Variants in NALF1 observed in about 807,000 individuals in gnomAD.
The protein encoded by NALF1 is family with sequence similarity 155 member A.
In NALF1, 3 loss-of-function variants were observed where a neutral mutation model predicts 48.4. The ratio of observed to expected loss-of-function variants is 0.06; its 90% confidence interval spans 0.03 to 0.16. NALF1 has a LOEUF of 0.16. Among genes scored for constraint, NALF1 ranks in the 10% least tolerant of loss-of-function variants. The probability of loss-of-function intolerance (pLI) is 1.00; values close to 1 mark genes in which losing one functional copy is unlikely to be tolerated. For synonymous variants in NALF1, 262 were observed against 245.7 expected, an observed-to-expected ratio of 1.07 and a Z score of -0.62; for missense variants, 526 against 571.5, an observed-to-expected ratio of 0.92 and a Z score of 0.81.
At chr13:107,627,690 G>A (rs918387310) in intron 1 of NALF1, among the ~76,000 whole-genome samples, 2 of 152,040 alleles carry the variant, frequency 1.3e-5, no homozygotes, top group Non-Finnish European at 2.9e-5. Context: ...CAAATGGAGA[G>A]AGAACTGCAG....
At position 107,482,186 on chromosome 13, in the gene NALF1, G is replaced by A. The variant is rs2491583; in HGVS notation, c.916-271431C>T. 9.8e-3 allele frequency among the ~76,000 whole-genome samples: 1,485 copies of A among 152,182 alleles called. 29 individuals are homozygous for A. Among genetic ancestry groups the A allele is most frequent in the African/African-American group, 0.033 (1,381 of 41,508 alleles). On this transcript the variant is annotated intron_variant, in intron 1 of 2. Coordinates refer to ENST00000375915, the MANE Select transcript of NALF1 (RefSeq NM_001080396.3). ...TTAAGAGAAAAGACTTATCTCTCCCGAGAAGAAGGAGCTCTGCCTCCAGAT... is the reference window on the plus strand; with the variant it reads ...TTAAGAGAAAAGACTTATCTCTCCCAAGAAGAAGGAGCTCTGCCTCCAGAT...
At chr13:107,178,623 T>C (rs1409134095) in intron 2 of NALF1, among the ~76,000 whole-genome samples, 1 of 152,120 alleles carries the variant, frequency 6.6e-6, no homozygotes, top group Non-Finnish European at 1.5e-5. Context: ...ACAGTCACTA[T>C]GGAGAAAAGT....
chr13:107,242,084 T>G (rs1880482577), intron 1 of NALF1, among the ~76,000 whole-genome samples: 1 of 152,242 alleles, frequency 6.6e-6, no homozygotes, highest in African/African-American at 2.4e-5. Flanking sequence ...ATTTATTCAC[T>G]GCCCTCTACT....
intron 1 of NALF1, among the ~76,000 whole-genome samples, chr13:107,716,001 G>C (rs1006987891): frequency 1.3e-5 from 2 of 152,096 alleles, no homozygotes; most frequent in Admixed American, 6.5e-5. Flanking sequence ...TGCTAAGTTC[G>C]ATGTATGGAA....
At chr13:107,640,014 A>G (rs1880107076) in intron 1 of NALF1, among the ~76,000 whole-genome samples, 1 of 152,202 alleles carries the variant, frequency 6.6e-6, no homozygotes, top group Admixed American at 6.5e-5. Flanking sequence ...CAAATGCTTG[A>G]TAAGATAAGG....
chr13:107,799,295 G>C (rs1464379120), intron 1 of NALF1, among the ~76,000 whole-genome samples: 1 of 152,148 alleles, frequency 6.6e-6, no homozygotes, highest in Admixed American at 6.5e-5. Flanking sequence ...ATTGTGCCCT[G>C]TTTACAGCTC....
chr13:107,539,637 A>G (rs1325452644), intron 1 of NALF1, among the ~76,000 whole-genome samples: 2 of 152,190 alleles, frequency 1.3e-5, no homozygotes, highest in South Asian at 2.1e-4. Flanking sequence ...CAATACATTA[A>G]TATTCTGAAA....
At chr13:107,811,458 C>T (rs769718506) in intron 1 of NALF1, among the ~76,000 whole-genome samples, 9 of 152,110 alleles carry the variant, frequency 5.9e-5, no homozygotes, top group Non-Finnish European at 1.2e-4. Flanking sequence ...CTATATCTTA[C>T]ATTGATTGAC....
At chr13:107,267,633 T>C (rs1188780368) in intron 1 of NALF1, among the ~76,000 whole-genome samples, 3 of 152,196 alleles carry the variant, frequency 2.0e-5, no homozygotes, top group Non-Finnish European at 4.4e-5. Flanking sequence ...ATCCTATATG[T>C]ACTGTTTTCT....
Position 107,833,615 on chromosome 13 carries a change from C to A in NALF1, c.915+32067G>T, listed in dbSNP as rs550793620. Among the ~76,000 whole-genome samples, 8 of 152,200 alleles carry A rather than the reference C, an allele frequency of 5.3e-5. No individual in the cohort carries two copies. The South Asian group carries it at 1.7e-3, about 32-fold the overall frequency. ...TCCCCCTTCTCAATCCTTTCCATTA[C>A]AAAGGTGTCAAAAACAAGATACTTG... is the stretch of plus-strand genomic sequence containing the variant. On this transcript the variant is annotated intron_variant, in intron 1 of 2. Transcript: ENST00000375915.
intron 1 of NALF1, among the ~76,000 whole-genome samples, chr13:107,397,292 G>A (rs970643204): frequency 6.6e-6 from 1 of 152,166 alleles, no homozygotes; most frequent in East Asian, 1.9e-4. Flanking sequence ...GAGAAATGAT[G>A]AGAGGAGGAA....
intron 1 of NALF1, among the ~76,000 whole-genome samples, chr13:107,784,989 C>T (rs1365887116): frequency 1.3e-5 from 2 of 151,908 alleles, no homozygotes; most frequent in Non-Finnish European, 2.9e-5. Flanking sequence ...TGCAAAATCG[C>T]GGAACCAACC....
At chr13:107,736,389 C>A (rs1404211927) in intron 1 of NALF1, among the ~76,000 whole-genome samples, 1 of 152,092 alleles carries the variant, frequency 6.6e-6, no homozygotes, top group Non-Finnish European at 1.5e-5. Context: ...GTTGATTACA[C>A]CCCTGTTGCT....
intron 1 of NALF1, among the ~76,000 whole-genome samples, chr13:107,286,830 TA>T (rs1397158283): frequency 1.3e-5 from 2 of 152,184 alleles, no homozygotes; most frequent in African/African-American, 4.8e-5. Flanking sequence ...TCTGTTTATA[TA>T]AAACATCTGG....
chr13:107,224,742 T>C (rs1880067248), intron 1 of NALF1, among the ~76,000 whole-genome samples: 1 of 152,110 alleles, frequency 6.6e-6, no homozygotes, highest in Admixed American at 6.6e-5. Flanking sequence ...TATGGCTTAG[T>C]ACTGATTGTG....
chr13:107,591,065 A>G (rs1481797772), intron 1 of NALF1, among the ~76,000 whole-genome samples: 1 of 152,066 alleles, frequency 6.6e-6, no homozygotes, highest in East Asian at 1.9e-4. Context: ...AGAAACAGTA[A>G]AGAGAAAAGA....
chr13:107,664,710 T>A (rs1880812377), intron 1 of NALF1, among the ~76,000 whole-genome samples: 2 of 152,042 alleles, frequency 1.3e-5, no homozygotes, highest in Non-Finnish European at 2.9e-5. Context: ...TTCTGTGGAG[T>A]TTTAATACCC....
intron 1 of NALF1, among the ~76,000 whole-genome samples, chr13:107,660,499 A>C (rs9583187): frequency 2.0e-4 from 20 of 99,030 alleles, no homozygotes; most frequent in South Asian, 1.2e-3. Context: ...AAGAAACAAA[A>C]AAACAAACAA....
chr13:107,563,258 G>A (rs1475010446), intron 1 of NALF1, among the ~76,000 whole-genome samples: 2 of 152,162 alleles, frequency 1.3e-5, no homozygotes, highest in East Asian at 3.9e-4. Context: ...GAGCCCCCAG[G>A]TCAAAGATCA....
Sources: gnomAD v4.1 joint callset for allele counts (sites outside exome capture counted in the v4.1 genomes callset) on GRCh38, gnomAD v4.1.1 for gene constraint, MANE v1.5 for transcripts, NCBI Gene and HGNC (gene_info 2026-07-23, HGNC 2026-07-21) for gene names.